Variants in NINL observed in about 807,000 individuals in gnomAD.
NINL encodes ninein like, also known as ninein-like protein.
NINL carries 153 observed loss-of-function variants against 160.3 expected under a neutral mutation model. That is an observed-to-expected ratio of 0.95 (90% CI 0.84 to 1.09). The LOEUF (loss-of-function observed/expected upper bound fraction) is 1.09, where lower values mean the gene tolerates loss of function less well. Ranked by LOEUF, NINL falls within the 50% of genes least tolerant of loss-of-function variation. The pLI, the probability that NINL is intolerant of heterozygous loss-of-function variation, is 0.00. For missense variants in NINL, 1,829 were observed against 1,764.0 expected (o/e 1.04, Z -0.66); for synonymous variants, 800 against 734.8 (o/e 1.09, Z -1.43).
At chr20:25,561,221 T>C (rs2147132586) in intron 1 of NINL, among the ~76,000 whole-genome samples, 1 of 152,258 alleles carries the variant, frequency 6.6e-6, no homozygotes. Context: ...ATTTTTTTGG[T>C]GGAGAGGGGG....
chr20:25,571,935 G>A (rs2147174217), intron 1 of NINL, among the ~76,000 whole-genome samples: 1 of 146,994 alleles, frequency 6.8e-6, no homozygotes, highest in African/African-American at 2.5e-5. Flanking sequence ...CTAACAAAAG[G>A]GAAACACATC....
intron 1 of NINL, among the ~76,000 whole-genome samples, chr20:25,581,952 C>A (rs1178030019): frequency 6.6e-6 from 1 of 152,194 alleles, no homozygotes; most frequent in Non-Finnish European, 1.5e-5. Flanking sequence ...ATATAAACTG[C>A]TCAATTAAAT....
chr20:25,469,534 AGC>A (rs2063039484), intron 18 of NINL, among the ~76,000 whole-genome samples: 1 of 99,714 alleles, frequency 1.0e-5, no homozygotes, highest in Admixed American at 1.2e-4. Flanking sequence ...CCCCTCCCCC[AGC>A]TCTTGTTCAC....
chr20:25,486,966 A>G (rs577176807), intron 13 of NINL, among the ~76,000 whole-genome samples: 3 of 152,368 alleles, frequency 2.0e-5, no homozygotes, highest in East Asian at 1.9e-4. Context: ...ATTACTTCAC[A>G]TCGATTGCTC....
intron 23 of NINL, among the ~76,000 whole-genome samples, chr20:25,455,183 C>G (rs1309770754): frequency 6.6e-6 from 1 of 152,224 alleles, no homozygotes; most frequent in East Asian, 1.9e-4. Context: ...CTGGACGTTC[C>G]TGTGCTGGTC....
intron 1 of NINL, among the ~76,000 whole-genome samples, chr20:25,545,692 ACT>A (rs1396628722): frequency 6.6e-6 from 1 of 152,062 alleles, no homozygotes; most frequent in African/African-American, 2.4e-5. Flanking sequence ...TACCAGCTTG[ACT>A]CTAGCACAGC....
chr20:25,524,611 T>A (rs2064322631), intron 2 of NINL, among the ~76,000 whole-genome samples: 1 of 152,192 alleles, frequency 6.6e-6, no homozygotes, highest in Non-Finnish European at 1.5e-5. Flanking sequence ...AGGGTGCGTG[T>A]GACAGGGTTC....
At chr20:25,516,872 A>G (rs114903413) in intron 3 of NINL, among the ~76,000 whole-genome samples, 3,157 of 152,184 alleles carry the variant, frequency 0.021, 110 homozygotes, top group African/African-American at 0.069. Flanking sequence ...TGCACACACA[A>G]GGGCCCAGGA....
At chr20:25,495,549 C>G (rs969794215) in intron 10 of NINL, among the ~76,000 whole-genome samples, 1 of 152,144 alleles carries the variant, frequency 6.6e-6, no homozygotes, top group Admixed American at 6.5e-5. Context: ...GCAGACCTCC[C>G]GAGCCAGCAG....
intron 1 of NINL, among the ~76,000 whole-genome samples, chr20:25,549,799 C>T (rs969359905): frequency 9.2e-5 from 14 of 152,154 alleles, no homozygotes; most frequent in South Asian, 2.1e-4. Flanking sequence ...ATGTCCCTAA[C>T]ATGTTTTTTA....
chr20:25,546,824 T>C (rs2064739077), intron 1 of NINL, among the ~76,000 whole-genome samples: 1 of 149,314 alleles, frequency 6.7e-6, no homozygotes, highest in Non-Finnish European at 1.5e-5. Context: ...GCTGGGCTGC[T>C]GTGACAAGGC....
intron 1 of NINL, among the ~76,000 whole-genome samples, chr20:25,560,891 A>G (rs1027569360): frequency 2.6e-5 from 4 of 151,138 alleles, no homozygotes; most frequent in Non-Finnish European, 4.4e-5. Flanking sequence ...TTCTCAGATG[A>G]AAAAAAACAA....
chr20:25,461,380 C>G, intron 21 of NINL, 142 bp downstream of exon 21: 1 of 573,084 alleles, frequency 1.7e-6, no homozygotes, highest in Non-Finnish European at 3.0e-6. Flanking sequence ...CGGTCCTGGC[C>G]CGGTAAGCAC....
chr20:25,470,028 C>T lies in NINL; in HGVS notation c.3316G>A (p.Glu1106Lys). ...TGAGTACTTTCTGCAGCTTCAAGCT[C>T]TTGCCGAACCCTTCCCAGATCGTTT... ...LKNDLGRVRQ[E>K]LEAAESTHDA... The change falls in exon 18 of 24, where the codon GAG (glutamate) becomes AAG (lysine). Residue 1106 changes from glutamate to lysine, a missense_variant. Physicochemically the swap from Glu to Lys is moderately conservative, Grantham distance 56. Transcript: ENST00000278886. 1 of 1,614,212 alleles carries T rather than the reference C, an allele frequency of 6.2e-7. No homozygotes were observed. Among genetic ancestry groups the T allele is most frequent in the South Asian group, 1.1e-5 (1 of 91,088 alleles).
intron 5 of NINL, chr20:25,509,527 C>A (rs2146859191): frequency 5.2e-6 from 2 of 382,156 alleles, no homozygotes; most frequent in East Asian, 7.3e-5. Context: ...AGACCTCACT[C>A]CTGAGCCCCA....
chr20:25,488,781 A>C (rs772410413), intron 13 of NINL, among the ~76,000 whole-genome samples: 3 of 152,162 alleles, frequency 2.0e-5, no homozygotes, highest in Non-Finnish European at 4.4e-5. Context: ...AAATTAATAA[A>C]TTTAAAAAAT....
intron 1 of NINL, among the ~76,000 whole-genome samples, chr20:25,531,041 G>A (rs1438048142): frequency 6.6e-6 from 1 of 152,084 alleles, no homozygotes. Context: ...CACAAAAGAC[G>A]GCTGCACTCA....
chr20:25,506,781 A>T (rs376742), intron 5 of NINL, among the ~76,000 whole-genome samples: 1 of 152,132 alleles, frequency 6.6e-6, no homozygotes, highest in African/African-American at 2.4e-5. Context: ...CACACCATCA[A>T]GAAGTTGAAA....
chr20:25,506,287 T>A (rs2063961245), intron 5 of NINL, among the ~76,000 whole-genome samples: 1 of 152,202 alleles, frequency 6.6e-6, no homozygotes, highest in Non-Finnish European at 1.5e-5. Flanking sequence ...GAGGGCTCTA[T>A]TATTTGTATT....
Sources: allele counts gnomAD v4.1 joint callset (sites outside exome capture counted in the v4.1 genomes callset), GRCh38; gene constraint gnomAD v4.1.1; transcripts MANE v1.5; gene names NCBI Gene and HGNC (gene_info 2026-07-23, HGNC 2026-07-21).